COQ10A: variants seen among roughly 807,000 people sequenced by gnomAD.
The protein encoded by COQ10A is coenzyme Q10A.
In COQ10A, 25 loss-of-function variants were observed where a neutral mutation model predicts 26.1. The ratio of observed to expected loss-of-function variants is 0.96; its 90% confidence interval spans 0.70 to 1.34. COQ10A has a LOEUF of 1.34. Ranked by LOEUF, COQ10A falls within the 40% of genes most tolerant of loss-of-function variation. The pLI, the probability that COQ10A is intolerant of heterozygous loss-of-function variation, is 0.00. For synonymous variants in COQ10A, 132 were observed against 124.0 expected (o/e 1.06, Z -0.43); for missense variants, 312 against 335.4 (o/e 0.93, Z 0.54).
intron 4 of COQ10A, 72 bp from the exon 5 acceptor site, chr12:56,270,078 G>A: frequency 4.0e-6 from 6 of 1,484,110 alleles, no homozygotes; most frequent in Non-Finnish European, 5.6e-6. Context: ...CTGAGGAACA[G>A]TTTCCTTGCA....
chr12:56,270,388 G>A lies in COQ10A; in HGVS notation c.*71G>A. The stretch of plus-strand genomic sequence containing the variant: ...ACAATTCTCTTATTTATTTGGTTTG[G>A]CTCCTGTTCCAATTTGAAAGGAGTC... On this transcript the variant is annotated 3_prime_UTR_variant, in exon 5 of 5. Transcript: ENST00000308197. 1 of 1,485,104 alleles carries A rather than the reference G, an allele frequency of 6.7e-7. No homozygotes were observed. The highest frequency in any genetic ancestry group is 9.2e-7 in the Non-Finnish European group (1 of 1,088,992). 92.0% of individuals were successfully genotyped at this position (1,485,104 alleles called of 1,614,324 possible).
rs751120106 is a variant in COQ10A, at chr12:56,267,252, G to C, written c.134G>C (p.Arg45Thr). ...PGPLPPPRPM[R>T]FLTSCSLLLP... is the part of the protein sequence containing the mutation. The stretch of plus-strand genomic sequence containing the variant: ...CCTCTGCCACCGCCGCGACCAATGA[G>C]GTGAGAGGGAGGTGACCGCGGCTGA... The change falls in exon 1 of 5, where the codon AGG becomes ACG. Residue 45 changes from arginine to threonine, a missense_variant and splice_region_variant. Physicochemically the swap from Arg to Thr is moderately conservative, Grantham distance 71 (BLOSUM62 -1). Coordinates refer to ENST00000308197, the MANE Select transcript of COQ10A (RefSeq NM_144576.4). The C allele has an allele frequency of 1.9e-6, 3 of 1,544,416 alleles. No individual in the cohort carries two copies. Among genetic ancestry groups the C allele is most frequent in the African/African-American group, 1.4e-5 (1 of 72,120 alleles).
intron 2 of COQ10A, chr12:56,268,340 G>A: frequency 5.1e-6 from 1 of 196,274 alleles, no homozygotes; most frequent in Non-Finnish European, 1.1e-5. Flanking sequence ...AATCAGCCTG[G>A]CACGGTGGCG....
chr12:56,270,329 G>C lies in COQ10A; in HGVS notation c.*12G>C, dbSNP rs748402333. On this transcript the variant is annotated 3_prime_UTR_variant, in exon 5 of 5. Coordinates refer to ENST00000308197, the MANE Select transcript of COQ10A (RefSeq NM_144576.4). ...TGCACCAGACTTGAGGCAAGGGATT[G>C]CTCCCTGACCTCCCTTCTACCCCAC... is the stretch of plus-strand genomic sequence containing the variant. 1.2e-6 allele frequency: 2 copies of C among 1,611,338 alleles called. No homozygotes were observed. The highest frequency in any genetic ancestry group is 2.7e-5 in the African/African-American group (2 of 74,846).
intron 3 of COQ10A, 47 bp downstream of exon 3, chr12:56,269,298 G>A (rs370908934): frequency 1.3e-6 from 2 of 1,583,810 alleles, no homozygotes; most frequent in South Asian, 1.1e-5. Flanking sequence ...GTTTTTAGCA[G>A]TTTCATATGA....
rs1223504558 is a variant in COQ10A at position 56,267,138 on chromosome 12, G to T, written c.20G>T (p.Arg7Leu). The T allele has an allele frequency of 2.3e-6, 3 of 1,304,150 alleles. No homozygotes were observed. Among genetic ancestry groups the T allele is most frequent in the Admixed American group, 8.1e-5 (2 of 24,608 alleles). 80.8% of individuals were successfully genotyped at this position (1,304,150 alleles called of 1,614,324 possible). Reference sequence around the variant, plus strand: ...GCGCGCATGGCCTGGGCGGGCTCGCGGCGGGTCCCAGCTGGGACGCGCGCG... The same window carrying T: ...GCGCGCATGGCCTGGGCGGGCTCGCTGCGGGTCCCAGCTGGGACGCGCGCG... MAWAGS[R>L]RVPAGTRAAA... is the part of the protein sequence containing the mutation. Residue 7 changes from arginine (R) to leucine (L), a missense_variant, in exon 1 of 5, where the codon CGG (arginine) becomes CTG (leucine). By Grantham distance (102) the Arg-to-Leu change is moderately radical. Coordinates refer to ENST00000308197, the MANE Select transcript of COQ10A (RefSeq NM_144576.4).
Position 56,270,489 on chromosome 12 carries a change from G to C in COQ10A, c.*172G>C, listed in dbSNP as rs1872486342. 1 of 690,960 alleles carries C rather than the reference G, an allele frequency of 1.4e-6. No individual in the cohort carries two copies. Among genetic ancestry groups the C allele is most frequent in the Non-Finnish European group, 2.4e-6 (1 of 422,978 alleles). The allele number at this position is 690,960 out of a possible 1,614,324, so 42.8% of individuals were successfully genotyped here. On this transcript the variant is annotated 3_prime_UTR_variant, in exon 5 of 5. Transcript: ENST00000308197. ...TGCTGGCTGGAAATGTTGGGGGAAA[G>C]AGAAGGCAAAGGATGTGGAAATGAG...
In COQ10A at chr12:56,267,221, C is replaced by T. The variant is rs766456659; in HGVS notation, c.103C>T (p.Pro35Ser). The change falls in exon 1 of 5, where the codon CCA becomes TCA. Residue 35 changes from proline (P) to serine (S), a missense_variant. Physicochemically the swap from Pro to Ser is moderately conservative, Grantham distance 74. Transcript: ENST00000308197. ...CCCGGGCGCGCAACCGGCCCCGCCC[C>T]CAGGCCCTCTGCCACCGCCGCGACC... ...LSPGAQPAPP[P>S]GPLPPPRPMR... is the part of the protein sequence containing the mutation. 41 of 1,471,868 alleles carry T rather than the reference C, an allele frequency of 2.8e-5. No individual in the cohort carries two copies. The highest frequency in any genetic ancestry group is 2.0e-4 in the Middle Eastern group (1 of 5,090). The allele number at this position is 1,471,868 out of a possible 1,614,324, so 91.2% of individuals were successfully genotyped here. A position where few individuals can be genotyped will look rare whatever the true frequency, so the allele number is the denominator to read the frequency against.
intron 4 of COQ10A, 82 bp downstream of exon 4, chr12:56,269,643 T>C (rs1592402840): frequency 2.0e-6 from 2 of 1,015,328 alleles, no homozygotes; most frequent in Non-Finnish European, 3.1e-6. Context: ...TATTAATTTA[T>C]TTGAGATGGA....
At position 56,267,896 on chromosome 12, in the gene COQ10A, C is replaced by G. The variant is rs1230953056; in HGVS notation, c.237C>G (p.Pro79=). 6.2e-7 allele frequency: 1 copy of G among 1,614,092 alleles called. No homozygotes were observed. The highest frequency in any genetic ancestry group is 1.7e-5 in the Admixed American group (1 of 60,016). The change falls in exon 2 of 5, where the codon CCC becomes CCG. Residue 79 remains proline (P), a synonymous_variant. Coordinates refer to ENST00000308197, the MANE Select transcript of COQ10A (RefSeq NM_144576.4). ...SSRSFMGFAA[P]FTNKRKAYSE... is the part of the protein sequence containing the mutation. ...GTTCCTTCATGGGATTTGCTGCTCC[C>G]TTCACCAACAAGCGAAAGGCTTACT... is the stretch of plus-strand genomic sequence containing the variant.
In COQ10A at chr12:56,270,397, C is replaced by G; in HGVS notation, c.*80C>G. 1 of 1,443,632 alleles carries G rather than the reference C, an allele frequency of 6.9e-7. No individual in the cohort carries two copies. The highest frequency in any genetic ancestry group is 9.5e-7 in the Non-Finnish European group (1 of 1,054,132). The allele number at this position is 1,443,632 out of a possible 1,614,324, so 89.4% of individuals were successfully genotyped here. On this transcript the variant is annotated 3_prime_UTR_variant, in exon 5 of 5. Coordinates refer to ENST00000308197, the MANE Select transcript of COQ10A (RefSeq NM_144576.4). ...TTATTTATTTGGTTTGGCTCCTGTT[C>G]CAATTTGAAAGGAGTCTGTGTTCAT...
chr12:56,267,415 G>C (rs1592401895), intron 1 of COQ10A, 163 bp downstream of exon 1: 2 of 1,613,970 alleles, frequency 1.2e-6, no homozygotes, highest in East Asian at 4.5e-5. Context: ...CAAGTTGTAC[G>C]AGAAGGGAAG....
At chr12:56,269,303 A>G in intron 3 of COQ10A, 52 bp downstream of exon 3, 4 of 1,579,954 alleles carry the variant, frequency 2.5e-6, no homozygotes, top group Non-Finnish European at 3.5e-6. Flanking sequence ...TAGCAGTTTC[A>G]TATGAAAGTG....
Position 56,267,116 on chromosome 12 carries a change from C to T in COQ10A, c.-3C>T. 7.7e-7 allele frequency: 1 copy of T among 1,290,584 alleles called. No individual in the cohort carries two copies. The highest frequency in any genetic ancestry group is 1.6e-5 in the African/African-American group (1 of 64,290). 79.9% of individuals were successfully genotyped at this position (1,290,584 alleles called of 1,614,324 possible). ...ACTTAGAGGGCCAGGCAGGGTCGCG[C>T]GCATGGCCTGGGCGGGCTCGCGGCG... On this transcript the variant is annotated 5_prime_UTR_variant, in exon 1 of 5. Coordinates refer to ENST00000308197, the MANE Select transcript of COQ10A (RefSeq NM_144576.4).
rs758220971 is a variant in COQ10A, at chr12:56,269,151, G to A, written c.374G>A (p.Ser125Asn). The change falls in exon 3 of 5, where the codon AGC (serine) becomes AAC (asparagine). Residue 125 changes from serine to asparagine, a missense_variant. Ser to Asn is a conservative substitution (Grantham distance 46, BLOSUM62 1). Transcript: ENST00000308197. ...TGTAAGAAGTCTCTGGTGGTATCCAGCCGTAAGGGTCATTTGAAAGCCCAG... is the reference window on the plus strand; with the variant it reads ...TGTAAGAAGTCTCTGGTGGTATCCAACCGTAAGGGTCATTTGAAAGCCCAG... Reference protein sequence around the residue: ...PWCKKSLVVSSRKGHLKAQLE... With the variant: ...PWCKKSLVVSNRKGHLKAQLE... 1 of 1,614,154 alleles carries A rather than the reference G, an allele frequency of 6.2e-7. No individual in the cohort carries two copies. The highest frequency in any genetic ancestry group is 8.5e-7 in the Non-Finnish European group (1 of 1,180,024).
At chr12:56,267,279 G>C in intron 1 of COQ10A, 27 bp downstream of exon 1, 1 of 1,584,732 alleles carries the variant, frequency 6.3e-7, no homozygotes, top group Non-Finnish European at 8.6e-7. Context: ...CGCGGCTGAG[G>C]GCAGGGGGTC....
chr12:56,267,609 CT>C, intron 1 of COQ10A, 184 bp from the exon 2 acceptor site: 1 of 1,147,964 alleles, frequency 8.7e-7, no homozygotes, highest in Non-Finnish European at 1.3e-6. Flanking sequence ...CTGTCCTTAG[CT>C]GCCCTCGACC....
intron 4 of COQ10A, 39 bp from the exon 5 acceptor site, chr12:56,270,111 T>G: frequency 6.3e-7 from 1 of 1,594,410 alleles, no homozygotes; most frequent in Non-Finnish European, 8.6e-7. Flanking sequence ...CTATCCAACA[T>G]GGTCTGGAAG....
chr12:56,268,308 T>TA (rs994119884), intron 2 of COQ10A: 627 of 196,450 alleles, frequency 3.2e-3, no homozygotes, highest in South Asian at 6.8e-3. Flanking sequence ...CTGTCTCCAC[T>TA]AAAAAAAAAC....
Sources: allele counts gnomAD v4.1 joint callset, GRCh38; gene constraint gnomAD v4.1.1; transcripts MANE v1.5; gene names NCBI Gene and HGNC (gene_info 2026-07-23, HGNC 2026-07-21).